Variants in C4orf50 observed in about 807,000 individuals in gnomAD.
The protein encoded by C4orf50 is chromosome 4 open reading frame 50, also known as uncharacterized protein C4orf50.
A neutral mutation model predicts 77.2 loss-of-function variants in C4orf50; 80 were observed. That is an observed-to-expected ratio of 1.04 (90% CI 0.87 to 1.25). C4orf50 has a LOEUF of 1.25. Ranked by LOEUF, C4orf50 falls within the 50% of genes most tolerant of loss-of-function variation. The probability of loss-of-function intolerance (pLI) is 0.00; values close to 1 mark genes in which losing one functional copy is unlikely to be tolerated. For missense variants in C4orf50, 1,257 were observed against 1,152.9 expected, an observed-to-expected ratio of 1.09 and a Z score of -1.31; for synonymous variants, 532 against 465.3, an observed-to-expected ratio of 1.14 and a Z score of -1.84.
intron 25 of C4orf50, among the ~76,000 whole-genome samples, chr4:5,997,006 A>G (rs1182125573): frequency 5.9e-5 from 9 of 152,262 alleles, no homozygotes; most frequent in Non-Finnish European, 1.3e-4. Context: ...GAAAGAAGGC[A>G]TCAAAGAAAC....
At chr4:5,918,236 G>A (rs937020541) in intron 7 of C4orf50, among the ~76,000 whole-genome samples, 5 of 152,260 alleles carry the variant, frequency 3.3e-5, no homozygotes, top group Non-Finnish European at 7.4e-5. Context: ...CAGAAAGAAC[G>A]TCAGCCAGTT....
rs920213700 is a variant in C4orf50 at position 6,008,563 on chromosome 4, C to A, written c.427-31G>T. The stretch of plus-strand genomic sequence containing the variant: ...AGTTGGCGGTGGATGAGGGCGTCAG[C>A]AAGCCCAAAGGACACACCATGGTTC... On this transcript the variant is annotated intron_variant, in intron 24 of 33. Transcript: ENST00000531445. The surrounding 1 kb of genome is among the most constrained non-coding windows in gnomAD (Gnocchi z 6.0). 5.0e-6 allele frequency: 2 copies of A among 397,498 alleles called. No homozygotes were observed. Among genetic ancestry groups the A allele is most frequent in the South Asian group, 2.5e-4 (2 of 7,858 alleles). The allele number at this position is 397,498 out of a possible 1,614,324, so 24.6% of individuals were successfully genotyped here.
At chr4:5,902,510 C>A (rs576333551) in intron 7 of C4orf50, 1 of 152,296 alleles carries the variant, frequency 6.6e-6, no homozygotes, top group South Asian at 2.1e-4. Flanking sequence ...AACCCTTGGA[C>A]GTGACCTTAC....
chr4:6,010,373 T>G (rs1010083203), intron 24 of C4orf50, among the ~76,000 whole-genome samples: 1 of 152,206 alleles, frequency 6.6e-6, no homozygotes, highest in African/African-American at 2.4e-5. Flanking sequence ...TATTTTCAAT[T>G]TAATTGGAAT....
At chr4:5,999,030 T>C (rs1177891580) in intron 25 of C4orf50, among the ~76,000 whole-genome samples, 4 of 152,196 alleles carry the variant, frequency 2.6e-5, no homozygotes, top group Non-Finnish European at 5.9e-5. Flanking sequence ...GGAGGAAGCA[T>C]ATGACCCCAG....
intron 7 of C4orf50, among the ~76,000 whole-genome samples, chr4:5,926,770 G>C (rs1717534647): frequency 6.6e-6 from 1 of 152,138 alleles, no homozygotes; most frequent in South Asian, 2.1e-4. Flanking sequence ...GGCCCACCCT[G>C]CCTGCATGAC....
chr4:5,975,828 T>A (rs1053252930), intron 30 of C4orf50, 71 bp downstream of exon 8: 2 of 1,249,930 alleles, frequency 1.6e-6, no homozygotes, highest in Non-Finnish European at 2.4e-6. Context: ...ATTACATGTC[T>A]AACAGGAAAA....
At chr4:6,016,907 A>C (rs1015413307) in intron 23 of C4orf50, among the ~76,000 whole-genome samples, 2 of 152,214 alleles carry the variant, frequency 1.3e-5, no homozygotes, top group African/African-American at 4.8e-5. Flanking sequence ...GTCCCGCAAA[A>C]ATCCAAGGCA....
Position 5,988,492 on chromosome 4 carries a change from C to T in C4orf50, c.3554G>A (p.Trp1185Ter). Reference sequence around the variant, plus strand: ...GGCATTGGCTACACCAGTGTTTCTCCAGACCAGCGATGGAGGGGGAGAATC... The same window carrying T: ...GGCATTGGCTACACCAGTGTTTCTCTAGACCAGCGATGGAGGGGGAGAATC... The change falls in exon 28 of 34, where the codon TGG (tryptophan) becomes TAG (stop). Residue 1185 changes from tryptophan (W) to a stop codon, truncating the protein, a stop_gained. Transcript: ENST00000531445. LOFTEE classifies it high-confidence loss of function. The T allele has an allele frequency of 6.5e-7, 1 of 1,546,468 alleles. No homozygotes were observed. Among genetic ancestry groups the T allele is most frequent in the Non-Finnish European group, 8.7e-7 (1 of 1,150,358 alleles).
At chr4:6,001,998 G>A (rs970274129) in intron 25 of C4orf50, among the ~76,000 whole-genome samples, 4 of 152,226 alleles carry the variant, frequency 2.6e-5, no homozygotes, top group Admixed American at 2.0e-4. Flanking sequence ...ACCATAAGCC[G>A]TCATCTGCCA....
intron 30 of C4orf50, among the ~76,000 whole-genome samples, chr4:5,974,589 G>T (rs1720146526): frequency 6.6e-6 from 1 of 152,148 alleles, no homozygotes; most frequent in African/African-American, 2.4e-5. Context: ...CGGGAGTCCA[G>T]GGCATAACCA....
rs781376290 is a variant in C4orf50, at chr4:5,916,220, C to T, written c.*2475-18032G>A. On this transcript the variant is annotated intron_variant, in intron 7 of 7. Transcript: ENST00000324058. This position sits in a 1 kb window ranked among gnomAD's most constrained non-coding sequence, Gnocchi z 4.4. ...CTTCCCTCACTGGACAGGGAACAGA[C>T]GCACCAACAGCTCCTGGTTACTCTG... 4.7e-4 allele frequency among the ~76,000 whole-genome samples: 72 copies of T among 152,302 alleles called. No individual in the cohort carries two copies. The highest frequency in any genetic ancestry group is 7.8e-4 in the Admixed American group (12 of 15,298).
rs79099487 is a variant in C4orf50, at chr4:5,978,036, C to T, written c.3865-2081G>A. ...ATCTGAATAAACTCTTCTTCAAATA[C>T]GACATACAAATGACCCACAAGCACG... On this transcript the variant is annotated intron_variant, in intron 29 of 33. Coordinates refer to ENST00000531445, the Ensembl canonical transcript of C4orf50. Among the ~76,000 whole-genome samples, 139 of 152,268 alleles carry T rather than the reference C, an allele frequency of 9.1e-4. 1 individual carries two copies. The highest frequency in any genetic ancestry group is 4.6e-3 in the East Asian group (24 of 5,180).
chr4:5,919,818 G>C lies in C4orf50; in HGVS notation c.*2475-21630C>G, dbSNP rs1717185716. On this transcript the variant is annotated intron_variant, in intron 7 of 7. Transcript: ENST00000324058. The surrounding 1 kb of genome is among the most constrained non-coding windows in gnomAD (Gnocchi z 6.5). ...GCCCATGGGAGAAGACGCTTCACCA[G>C]AATCAACTCTGAAATAGGGGTTTCT... is the stretch of plus-strand genomic sequence containing the variant. 6.6e-6 allele frequency among the ~76,000 whole-genome samples: 1 copy of C among 152,156 alleles called. No individual in the cohort carries two copies. Among genetic ancestry groups the C allele is most frequent in the Admixed American group, 6.5e-5 (1 of 15,286 alleles).
In C4orf50 at chr4:5,981,939, C is replaced by G. The variant is rs559907726; in HGVS notation, c.3700-1601G>C. Reference sequence around the variant, plus strand: ...GGGTAGGTAGGAGGGGGATCCCAAGCTACCCTGCTTGGGAAAAAGAGACGA... The same window carrying G: ...GGGTAGGTAGGAGGGGGATCCCAAGGTACCCTGCTTGGGAAAAAGAGACGA... On this transcript the variant is annotated intron_variant, in intron 28 of 33. Transcript: ENST00000531445. Among the ~76,000 whole-genome samples, 4 of 152,156 alleles carry G rather than the reference C, an allele frequency of 2.6e-5. No individual in the cohort carries two copies. In the South Asian group the frequency reaches 8.3e-4, roughly 32 times the overall value.
intron 28 of C4orf50, among the ~76,000 whole-genome samples, chr4:5,987,584 CAA>C (rs895773564): frequency 1.4e-5 from 2 of 145,354 alleles, no homozygotes; most frequent in African/African-American, 2.6e-5. Context: ...AAGAGAGAGA[CAA>C]AGAGAGAAAG....
chr4:5,990,120 C>G, exon 28 of C4orf50: 1 of 1,274,874 alleles, frequency 7.8e-7, no homozygotes, highest in Non-Finnish European at 9.9e-7. Context: ...CCCTCCTGCT[C>G]AGGGATTCGG....
At chr4:5,994,696 T>C (rs1380792326) in intron 25 of C4orf50, among the ~76,000 whole-genome samples, 1 of 152,172 alleles carries the variant, frequency 6.6e-6, no homozygotes, top group Non-Finnish European at 1.5e-5. Flanking sequence ...GCACTTAGAC[T>C]CCTGTCCACA....
chr4:6,009,808 G>T lies in C4orf50; in HGVS notation c.427-1276C>A, dbSNP rs1722414594. On this transcript the variant is annotated intron_variant, in intron 24 of 33. Coordinates refer to ENST00000531445, the Ensembl canonical transcript of C4orf50. The surrounding 1 kb of genome is among the most constrained non-coding windows in gnomAD (Gnocchi z 5.6). Reference sequence around the variant, plus strand: ...TGCAGCGAGAGATTTAGGGTTAGAGGGTTGGGGGCTGGGTGGCAGCTGGGC... The same window carrying T: ...TGCAGCGAGAGATTTAGGGTTAGAGTGTTGGGGGCTGGGTGGCAGCTGGGC... Among the ~76,000 whole-genome samples the T allele has an allele frequency of 6.6e-6, 1 of 152,166 alleles. No individual in the cohort carries two copies. Among genetic ancestry groups the T allele is most frequent in the Non-Finnish European group, 1.5e-5 (1 of 68,030 alleles).
Sources: gnomAD v4.1 joint callset for allele counts (sites outside exome capture counted in the v4.1 genomes callset) on GRCh38, gnomAD v4.1.1 for gene constraint, Gnocchi (gnomAD v3.1) non-coding constraint, MANE v1.5 for transcripts, NCBI Gene and HGNC (gene_info 2026-07-23, HGNC 2026-07-21) for gene names.